The following COMMD10 variants were observed in gnomAD, a reference collection of about 807,000 sequenced individuals.
COMMD10 encodes COMM domain-containing protein 10.
COMMD10 carries 33 observed loss-of-function variants against 28.9 expected under a neutral mutation model. That is an observed-to-expected ratio of 1.14 (90% CI 0.87 to 1.53). COMMD10 has a LOEUF of 1.53. COMMD10 is among the 40% of genes most tolerant of loss of function. The pLI is 0.00. For missense variants in COMMD10, 310 were observed against 233.4 expected, an observed-to-expected ratio of 1.33 and a Z score of -2.14; for synonymous variants, 110 against 81.7, an observed-to-expected ratio of 1.35 and a Z score of -1.87.
chr5:116,178,984 A>G (rs1424501293), intron 5 of COMMD10, among the ~76,000 whole-genome samples: 1 of 152,140 alleles, frequency 6.6e-6, no homozygotes, highest in Non-Finnish European at 1.5e-5. Flanking sequence ...TCTGTGTTAA[A>G]GGAATACAAA....
At chr5:116,220,590 T>C (rs1220256729) in intron 5 of COMMD10, among the ~76,000 whole-genome samples, 1 of 152,194 alleles carries the variant, frequency 6.6e-6, no homozygotes, top group Non-Finnish European at 1.5e-5. Context: ...CAGGGATACA[T>C]ATGCAACCCA....
chr5:116,157,689 C>T (rs1340385239), intron 5 of COMMD10, among the ~76,000 whole-genome samples: 1 of 152,124 alleles, frequency 6.6e-6, no homozygotes, highest in Non-Finnish European at 1.5e-5. Flanking sequence ...AGTCACACTT[C>T]AAAGGTTATG....
intron 4 of COMMD10, among the ~76,000 whole-genome samples, chr5:116,119,109 C>T (rs1751337491): frequency 6.6e-6 from 1 of 152,082 alleles, no homozygotes; most frequent in Middle Eastern, 3.4e-3. Context: ...GCAGAGGTGA[C>T]AAACAATTTG....
intron 5 of COMMD10, among the ~76,000 whole-genome samples, chr5:116,249,720 T>G (rs1445304641): frequency 6.6e-6 from 1 of 150,680 alleles, no homozygotes; most frequent in Non-Finnish European, 1.5e-5. Context: ...CTATAGCCAA[T>G]TAAAATCTTA....
intron 5 of COMMD10, among the ~76,000 whole-genome samples, chr5:116,219,225 T>C (rs554103045): frequency 2.0e-5 from 2 of 98,552 alleles, no homozygotes; most frequent in Admixed American, 1.2e-4. Flanking sequence ...GGCTGTTGTT[T>C]AAGCCACCCA....
chr5:116,155,561 A>G (rs7701837), intron 5 of COMMD10, among the ~76,000 whole-genome samples: 49,499 of 151,974 alleles, frequency 0.33, 11,400 homozygotes, highest in African/African-American at 0.66. Flanking sequence ...GTATTCTGGT[A>G]AGAAAAAGAG....
chr5:116,117,700 A>T (rs886753260), intron 4 of COMMD10, among the ~76,000 whole-genome samples: 7 of 151,980 alleles, frequency 4.6e-5, no homozygotes, highest in Non-Finnish European at 1.0e-4. Context: ...CCCTGAACTT[A>T]AGTGATCTGC....
chr5:116,123,568 A>T (rs1464723329), intron 4 of COMMD10, among the ~76,000 whole-genome samples: 3 of 152,152 alleles, frequency 2.0e-5, no homozygotes, highest in African/African-American at 4.8e-5. Flanking sequence ...TGGTATCAAG[A>T]TGATGCTGGC....
At chr5:116,258,350 T>C (rs1364761627) in intron 5 of COMMD10, among the ~76,000 whole-genome samples, 1 of 151,786 alleles carries the variant, frequency 6.6e-6, no homozygotes, top group East Asian at 1.9e-4. Flanking sequence ...TTTTAGATTA[T>C]TTCCTTTTAA....
chr5:116,256,182 A>C (rs1198692778), intron 5 of COMMD10, among the ~76,000 whole-genome samples: 1 of 151,730 alleles, frequency 6.6e-6, no homozygotes, highest in Admixed American at 6.6e-5. Context: ...AGAAGAAGAA[A>C]AGAATCTACA....
intron 1 of COMMD10, among the ~76,000 whole-genome samples, chr5:116,085,842 G>C (rs1028240355): frequency 3.3e-5 from 5 of 152,156 alleles, no homozygotes; most frequent in African/African-American, 1.2e-4. Context: ...TGCTTGGATT[G>C]GGTAGAAATC....
intron 5 of COMMD10, among the ~76,000 whole-genome samples, chr5:116,252,384 T>C (rs1477577647): frequency 7.2e-6 from 1 of 139,716 alleles, no homozygotes; most frequent in African/African-American, 2.8e-5. Flanking sequence ...TGTGCCTATG[T>C]CCTGAATGGT....
intron 4 of COMMD10, among the ~76,000 whole-genome samples, chr5:116,114,730 G>A (rs549016486): frequency 6.6e-6 from 1 of 152,190 alleles, no homozygotes; most frequent in Non-Finnish European, 1.5e-5. Flanking sequence ...TTTCAGCATT[G>A]GCTGGCAAGT....
chr5:116,242,769 T>A (rs1749845284), intron 5 of COMMD10, among the ~76,000 whole-genome samples: 1 of 152,182 alleles, frequency 6.6e-6, no homozygotes, highest in Non-Finnish European at 1.5e-5. Flanking sequence ...GAGGGTTCTG[T>A]AGCATTAAAT....
intron 4 of COMMD10, among the ~76,000 whole-genome samples, chr5:116,130,486 C>T (rs116269450): frequency 0.013 from 1,989 of 152,028 alleles, 44 homozygotes; most frequent in African/African-American, 0.046. Context: ...GTCATTCTTA[C>T]TGTTAGTTGA....
At chr5:116,106,035 C>A (rs1457834690) in intron 4 of COMMD10, among the ~76,000 whole-genome samples, 1 of 150,976 alleles carries the variant, frequency 6.6e-6, no homozygotes, top group Admixed American at 6.6e-5. Context: ...TTCTCTAGTT[C>A]TTTTAATTGT....
intron 1 of COMMD10, among the ~76,000 whole-genome samples, chr5:116,086,859 T>G (rs1365082759): frequency 6.6e-6 from 1 of 152,134 alleles, no homozygotes; most frequent in Non-Finnish European, 1.5e-5. Context: ...CGCATGTAGT[T>G]CTAGCTACTT....
At chr5:116,256,885 C>T (rs10073364) in intron 5 of COMMD10, among the ~76,000 whole-genome samples, 15,756 of 151,660 alleles carry the variant, frequency 0.1, 1,026 homozygotes, top group African/African-American at 0.15. Context: ...ACTGTCATTC[C>T]TGACTCTGAA....
chr5:116,130,025 T>C (rs1751814437), intron 4 of COMMD10, among the ~76,000 whole-genome samples: 2 of 151,554 alleles, frequency 1.3e-5, no homozygotes, highest in African/African-American at 2.4e-5. Flanking sequence ...TTTATTACTC[T>C]GTCATATGGC....
Sources: gnomAD v4.1 joint callset for allele counts (sites outside exome capture counted in the v4.1 genomes callset) on GRCh38, gnomAD v4.1.1 for gene constraint, MANE v1.5 for transcripts, NCBI Gene and HGNC (gene_info 2026-07-23, HGNC 2026-07-21) for gene names.